The following ACIN1 variants were observed in gnomAD, a reference collection of about 807,000 sequenced individuals.
ACIN1 encodes apoptotic chromatin condensation inducer 1.
A neutral mutation model predicts 146.6 loss-of-function variants in ACIN1; 16 were observed. The ratio of observed to expected loss-of-function variants is 0.11; its 90% confidence interval spans 0.07 to 0.17. The LOEUF (loss-of-function observed/expected upper bound fraction) is 0.17. ACIN1 is among the 10% of genes least tolerant of loss of function. The pLI, the probability that ACIN1 is intolerant of heterozygous loss-of-function variation, is 1.00. For synonymous variants in ACIN1, 569 were observed against 582.7 expected (o/e 0.98, Z 0.34); for missense variants, 1,357 against 1,609.3 (o/e 0.84, Z 2.68).
In ACIN1 at chr14:23,066,101, C is replaced by T. The variant is rs1316185438; in HGVS notation, c.2266-93G>A. On this transcript the variant is annotated intron_variant, in intron 9 of 18. Coordinates refer to ENST00000605057, the MANE Select transcript of ACIN1 (RefSeq NM_001386863.1). ...GTTAGATGGGGCAGTCTTAGCTTAG[C>T]CTCCAAAGACACAGATAGAGTGAGA... is the stretch of plus-strand genomic sequence containing the variant. 7 of 937,098 alleles carry T rather than the reference C, an allele frequency of 7.5e-6. No homozygotes were observed. In the East Asian group the frequency reaches 1.2e-4, roughly 16 times the overall value. 58.0% of individuals were successfully genotyped at this position (937,098 alleles called of 1,614,324 possible). A position where few individuals can be genotyped will look rare whatever the true frequency, so the allele number is the denominator to read the frequency against.
chr14:23,067,977 G>GT lies in ACIN1; in HGVS notation c.2265+1498dup. ...CTCAGGGACTCCAGCTGAGACAGTG[G>GT]TTCCAGTCAGGTGGATGAAATGAGT... On this transcript the variant is annotated intron_variant, in intron 9 of 18. Transcript: ENST00000605057. The surrounding 1 kb of genome is among the most constrained non-coding windows in gnomAD (Gnocchi z 4.6). 1.0e-6 allele frequency: 1 copy of GT among 985,876 alleles called. No homozygotes were observed. Among genetic ancestry groups the GT allele is most frequent in the Non-Finnish European group, 1.2e-6 (1 of 829,952 alleles). 61.1% of individuals were successfully genotyped at this position (985,876 alleles called of 1,614,324 possible). A position where few individuals can be genotyped will look rare whatever the true frequency, so the allele number is the denominator to read the frequency against.
At chr14:23,070,640 C>T (rs972470260) in intron 8 of ACIN1, among the ~76,000 whole-genome samples, 1 of 152,114 alleles carries the variant, frequency 6.6e-6, no homozygotes, top group Admixed American at 6.5e-5. Context: ...CCCCCTCTAC[C>T]ACCCAAACAC....
rs1183632926 is a variant in ACIN1, at chr14:23,080,411, G to C, written c.924C>G (p.Pro308=). Residue 308 remains proline, a synonymous_variant, in exon 6 of 19, where the codon CCC becomes CCG. Transcript: ENST00000605057. Reference sequence around the variant, plus strand: ...TTATTTCTCTTTCTTCCTCCTCAAGGGGAGATGTTGTTTTCATTTCCTTCT... The same window carrying C: ...TTATTTCTCTTTCTTCCTCCTCAAGCGGAGATGTTGTTTTCATTTCCTTCT... ...QQEKEMKTTS[P]LEEEEREIKS... 1 of 1,614,020 alleles carries C rather than the reference G, an allele frequency of 6.2e-7. No homozygotes were observed. The highest frequency in any genetic ancestry group is 2.2e-5 in the East Asian group (1 of 44,876).
intron 8 of ACIN1, among the ~76,000 whole-genome samples, chr14:23,071,842 T>G (rs1364251568): frequency 1.3e-5 from 2 of 152,124 alleles, no homozygotes; most frequent in Non-Finnish European, 2.9e-5. Flanking sequence ...GATTGGAAGA[T>G]TCTAGAAAAT....
At position 23,067,511 on chromosome 14, in the gene ACIN1, G is replaced by GGGGGGCGGA; in HGVS notation, c.2266-1504_2266-1503insTCCGCCCCC. 2 of 221,750 alleles carry GGGGGGCGGA rather than the reference G, an allele frequency of 9.0e-6. No homozygotes were observed. The highest frequency in any genetic ancestry group is 1.5e-5 in the Non-Finnish European group (2 of 137,282). 13.7% of individuals were successfully genotyped at this position (221,750 alleles called of 1,614,324 possible). A position where few individuals can be genotyped will look rare whatever the true frequency, so the allele number is the denominator to read the frequency against. On this transcript the variant is annotated intron_variant, in intron 9 of 18. Transcript: ENST00000605057. The surrounding 1 kb of genome is among the most constrained non-coding windows in gnomAD (Gnocchi z 4.6). ...CCAGGGGCGCAGGGGGGGCGGGAGG[G>GGGGGGCGGA]AAACGTGTGGGGGGACGCTGCCCAG...
chr14:23,069,652 G>GGGGGGGGGGGGGCC, intron 8 of ACIN1, 35 bp from the exon 9 acceptor site: 1 of 577,972 alleles, frequency 1.7e-6, no homozygotes, highest in African/African-American at 1.9e-5. Context: ...GGGGGGGCGG[G>GGGGGGGGGGGGGCC]CAGAAAAGAA....
rs1311593163 is a variant in ACIN1 at position 23,081,922 on chromosome 14, C to T, written c.437-86G>A. 27 of 1,012,468 alleles carry T rather than the reference C, an allele frequency of 2.7e-5. No homozygotes were observed. In the East Asian group the frequency reaches 6.2e-4, roughly 23 times the overall value. The allele number at this position is 1,012,468 out of a possible 1,614,324, so 62.7% of individuals were successfully genotyped here. A position where few individuals can be genotyped will look rare whatever the true frequency, so the allele number is the denominator to read the frequency against. On this transcript the variant is annotated intron_variant, in intron 4 of 18. Coordinates refer to ENST00000605057, the MANE Select transcript of ACIN1 (RefSeq NM_001386863.1). ...AAAAATCAGGCTTTCTAATATCCAA[C>T]CAATTATAGCATATGAGCCTATCAA...
In ACIN1 at chr14:23,059,498, A is replaced by G. The variant is rs759027698; in HGVS notation, c.3526-24T>C. On this transcript the variant is annotated intron_variant, in intron 18 of 18. Coordinates refer to ENST00000605057, the MANE Select transcript of ACIN1 (RefSeq NM_001386863.1). ...ATCTGTAGCCAGGTAGGAAAGGCAGAGAATAGGCAGCTCAGTCCTGGTCAC... is the reference window on the plus strand; with the variant it reads ...ATCTGTAGCCAGGTAGGAAAGGCAGGGAATAGGCAGCTCAGTCCTGGTCAC... 15 of 1,594,114 alleles carry G rather than the reference A, an allele frequency of 9.4e-6. No homozygotes were observed. The South Asian group carries it at 9.9e-5, about 11-fold the overall frequency.
At position 23,061,461 on chromosome 14, in the gene ACIN1, C is replaced by A. The variant is rs2047276947; in HGVS notation, c.3261G>T (p.Gln1087His). ...CCATTTCCCGTTCCCGTTCTGCCCA[C>A]TGTTCCCGCACTGCCCGTTCCTGCT... Reference protein sequence around the residue: ...QREQERAVREQWAEREREMER... With the variant: ...QREQERAVREHWAEREREMER... The change falls in exon 17 of 19, where the codon CAG (glutamine) becomes CAT (histidine). Residue 1087 changes from glutamine to histidine, a missense_variant. Coordinates refer to ENST00000605057, the MANE Select transcript of ACIN1 (RefSeq NM_001386863.1). 6.8e-7 allele frequency: 1 copy of A among 1,472,930 alleles called. No homozygotes were observed. The highest frequency in any genetic ancestry group is 1.1e-5 in the South Asian group (1 of 89,372). 91.2% of individuals were successfully genotyped at this position (1,472,930 alleles called of 1,614,324 possible). A position where few individuals can be genotyped will look rare whatever the true frequency, so the allele number is the denominator to read the frequency against.
In ACIN1 at chr14:23,061,143, G is replaced by A; in HGVS notation, c.3466C>T (p.Leu1156Phe). The change falls in exon 18 of 19, where the codon CTT becomes TTT. Residue 1156 changes from leucine (L) to phenylalanine (F), a missense_variant. Leu to Phe is a conservative substitution (Grantham distance 22). This residue lies in a region of ACIN1 where 509 missense variants were observed against 719.6 expected (regional missense o/e 0.71). Coordinates refer to ENST00000605057, the MANE Select transcript of ACIN1 (RefSeq NM_001386863.1). The part of the protein sequence containing the change: ...EEPPAKLLDD[L>F]FRKTKAAPCI... Reference sequence around the variant, plus strand: ...GGAGCTGCCTTGGTCTTTCGGAAAAGGTCATCCAGCAGCTTGGCAGGTGGT... The same window carrying A: ...GGAGCTGCCTTGGTCTTTCGGAAAAAGTCATCCAGCAGCTTGGCAGGTGGT... The A allele has an allele frequency of 6.2e-7, 1 of 1,614,148 alleles. No homozygotes were observed. The highest frequency in any genetic ancestry group is 8.5e-7 in the Non-Finnish European group (1 of 1,180,018).
In ACIN1 at chr14:23,062,993, C is replaced by T. The variant is rs748870766; in HGVS notation, c.2819G>A (p.Arg940Gln). 5.6e-6 allele frequency: 9 copies of T among 1,613,754 alleles called. No individual in the cohort carries two copies. The highest frequency in any genetic ancestry group is 1.1e-5 in the South Asian group (1 of 90,986). ...GVSITIDDPVRTAQVPSPPRG... is the reference protein window; with the variant it reads ...GVSITIDDPVQTAQVPSPPRG... ...GGGTGGGGAGGGCACCTGGGCAGTT[C>T]GGACTGGGTCATCAATGGTAATGGA... Residue 940 changes from arginine to glutamine, a missense_variant, in exon 14 of 19, where the codon CGA becomes CAA. Coordinates refer to ENST00000605057, the MANE Select transcript of ACIN1 (RefSeq NM_001386863.1).
chr14:23,083,459 A>C (rs1300750143), intron 4 of ACIN1, among the ~76,000 whole-genome samples: 1 of 152,208 alleles, frequency 6.6e-6, no homozygotes, highest in African/African-American at 2.4e-5. Context: ...GCGGCCGGGC[A>C]CGGTGGCTCA....
chr14:23,088,992 T>C lies in ACIN1; in HGVS notation c.436+990A>G, dbSNP rs991399304. Among the ~76,000 whole-genome samples the C allele has an allele frequency of 2.3e-4, 35 of 152,164 alleles. 1 individual carries two copies. Among genetic ancestry groups the C allele is most frequent in the African/African-American group, 8.4e-4 (35 of 41,450 alleles). On this transcript the variant is annotated intron_variant, in intron 4 of 18. Coordinates refer to ENST00000605057, the MANE Select transcript of ACIN1 (RefSeq NM_001386863.1). ...GGTAGTTCCCAAAAGACAAAGGCTA[T>C]ATTTATAGACTTTTGCTTGAGATAT...
intron 16 of ACIN1, 23 bp downstream of exon 16, chr14:23,062,145 T>C: frequency 6.2e-7 from 1 of 1,601,970 alleles, no homozygotes; most frequent in Non-Finnish European, 8.6e-7. Context: ...CCCTCCTCTC[T>C]TTCCTCTCCC....
chr14:23,077,451 C>T (rs1050051400), intron 8 of ACIN1, among the ~76,000 whole-genome samples: 1 of 150,328 alleles, frequency 6.7e-6, no homozygotes, highest in Non-Finnish European at 1.5e-5. Context: ...GGCTCATTGG[C>T]TTCTTAATTT....
At chr14:23,066,269 C>T (rs1404104850) in intron 9 of ACIN1, 7 of 383,030 alleles carry the variant, frequency 1.8e-5, no homozygotes, top group Non-Finnish European at 3.3e-5. Flanking sequence ...CTCCGTATCA[C>T]ACCTGTGTAT....
chr14:23,077,103 A>C (rs931048878), intron 8 of ACIN1, among the ~76,000 whole-genome samples: 2 of 152,224 alleles, frequency 1.3e-5, no homozygotes, highest in Non-Finnish European at 2.9e-5. Flanking sequence ...CCCAGGTAAA[A>C]GCTATATAGT....
chr14:23,063,828 CAT>C (rs1175367427), intron 12 of ACIN1, among the ~76,000 whole-genome samples: 1 of 152,238 alleles, frequency 6.6e-6, no homozygotes, highest in African/African-American at 2.4e-5. Flanking sequence ...TTGCAGGCCA[CAT>C]AGTTTGTTGC....
intron 8 of ACIN1, among the ~76,000 whole-genome samples, chr14:23,074,788 A>G (rs1048293631): frequency 6.6e-6 from 1 of 152,220 alleles, no homozygotes; most frequent in Non-Finnish European, 1.5e-5. Context: ...GAGGCTAATA[A>G]TATCACATTA....
Sources: allele counts gnomAD v4.1 joint callset (sites outside exome capture counted in the v4.1 genomes callset), GRCh38; gene constraint gnomAD v4.1.1; regional missense constraint gnomAD v4.1.1; non-coding constraint Gnocchi (gnomAD v3.1); transcripts MANE v1.5; gene names NCBI Gene and HGNC (gene_info 2026-07-23, HGNC 2026-07-21).